Variants in NRG1 observed in about 807,000 individuals in gnomAD.
NRG1 encodes pro-neuregulin-1, membrane-bound isoform.
A neutral mutation model predicts 63.8 loss-of-function variants in NRG1; 18 were observed. The ratio of observed to expected loss-of-function variants is 0.28; its 90% CI spans 0.19 to 0.42. The LOEUF (loss-of-function observed/expected upper bound fraction) is 0.42, where lower values mean the gene tolerates loss of function less well. NRG1 is among the 10% of genes least tolerant of loss of function. The probability of loss-of-function intolerance (pLI) is 1.00; values close to 1 mark genes in which losing one functional copy is unlikely to be tolerated. For synonymous variants in NRG1, 302 were observed against 301.3 expected, an observed-to-expected ratio of 1.00 and a Z score of -0.02; for missense variants, 762 against 814.7, an observed-to-expected ratio of 0.94 and a Z score of 0.79.
intron 1 of NRG1, among the ~76,000 whole-genome samples, chr8:32,078,516 A>G (rs1198207034): frequency 6.6e-6 from 1 of 152,200 alleles, no homozygotes; most frequent in Non-Finnish European, 1.5e-5. Flanking sequence ...ATCAGAATAA[A>G]TAACGCTGAG....
chr8:32,344,370 C>CTTTCTTTCTTTCTT (rs1804509596), intron 1 of NRG1, among the ~76,000 whole-genome samples: 2 of 46,196 alleles, frequency 4.3e-5, no homozygotes, highest in African/African-American at 1.4e-4. Context: ...TTCTTTCTTT[C>CTTTCTTTCTTTCTT]TTTCTTTCTT....
At chr8:32,101,681 G>A (rs1165691244) in intron 1 of NRG1, among the ~76,000 whole-genome samples, 1 of 152,092 alleles carries the variant, frequency 6.6e-6, no homozygotes, top group African/African-American at 2.4e-5. Flanking sequence ...GTTGAAGTAT[G>A]TCTAAAGAAA....
At chr8:31,725,730 A>G (rs1813364771) in intron 1 of NRG1, among the ~76,000 whole-genome samples, 1 of 152,172 alleles carries the variant, frequency 6.6e-6, no homozygotes. Flanking sequence ...TCTTGGCCAA[A>G]TAGGTTTATT....
At chr8:31,836,896 C>T (rs566745411) in intron 1 of NRG1, among the ~76,000 whole-genome samples, 74 of 152,032 alleles carry the variant, frequency 4.9e-4, no homozygotes, top group Non-Finnish European at 9.0e-4. Context: ...TATATTCTCA[C>T]TGACAATCTG....
intron 1 of NRG1, among the ~76,000 whole-genome samples, chr8:32,383,844 A>G (rs926113384): frequency 6.6e-6 from 1 of 152,232 alleles, no homozygotes; most frequent in Non-Finnish European, 1.5e-5. Context: ...CTGGGTATGT[A>G]ATGAGAATGC....
Position 32,363,808 on chromosome 8 carries a change from A to G in NRG1, c.38-232020A>G, listed in dbSNP as rs138996278. On this transcript the variant is annotated intron_variant, in intron 1 of 10. Coordinates refer to the NRG1 transcript ENST00000519301. ...GATATCAAAAAATAAGAAATAACCT[A>G]GATCAGAAAACAGATAAATGATTGC... 2.6e-3 allele frequency among the ~76,000 whole-genome samples: 393 copies of G among 152,278 alleles called. 1 individual carries two copies. Among genetic ancestry groups the G allele is most frequent in the Middle Eastern group, 6.8e-3 (2 of 294 alleles).
chr8:32,503,550 A>C (rs1184121642), intron 1 of NRG1, among the ~76,000 whole-genome samples: 8 of 152,194 alleles, frequency 5.3e-5, no homozygotes. Context: ...GCCATCTATA[A>C]GTTTAATAGC....
At chr8:32,374,610 C>T (rs952418967) in intron 1 of NRG1, among the ~76,000 whole-genome samples, 3 of 152,148 alleles carry the variant, frequency 2.0e-5, no homozygotes, top group African/African-American at 7.2e-5. Context: ...AGTGATTCCC[C>T]TCTTCTGCCT....
At chr8:31,837,552 G>A (rs1825791162) in intron 1 of NRG1, among the ~76,000 whole-genome samples, 1 of 151,974 alleles carries the variant, frequency 6.6e-6, no homozygotes, top group South Asian at 2.1e-4. Context: ...GTTGGCAGTA[G>A]TCACCTTACT....
intron 1 of NRG1, among the ~76,000 whole-genome samples, chr8:31,818,957 G>C (rs893118085): frequency 3.3e-5 from 5 of 152,208 alleles, no homozygotes; most frequent in Non-Finnish European, 7.3e-5. Context: ...GGGAGGCTGA[G>C]GCGAGAGAAT....
intron 1 of NRG1, among the ~76,000 whole-genome samples, chr8:32,501,757 T>C (rs1465279210): frequency 3.3e-5 from 5 of 152,226 alleles, no homozygotes; most frequent in Admixed American, 1.3e-4. Context: ...ACATAATAAG[T>C]GCAACATAAA....
chr8:32,698,462 G>A (rs774451070), intron 5 of NRG1, among the ~76,000 whole-genome samples: 2 of 152,206 alleles, frequency 1.3e-5, no homozygotes, highest in Non-Finnish European at 2.9e-5. Flanking sequence ...CCACATTTCA[G>A]CGAGGGCGTT....
At chr8:31,792,542 C>T (rs1271321782) in intron 1 of NRG1, among the ~76,000 whole-genome samples, 2 of 152,194 alleles carry the variant, frequency 1.3e-5, no homozygotes, top group Non-Finnish European at 2.9e-5. Flanking sequence ...ACTGACTACT[C>T]AGATTTTAAA....
chr8:31,885,048 T>G (rs1188166629), intron 1 of NRG1, among the ~76,000 whole-genome samples: 1 of 152,126 alleles, frequency 6.6e-6, no homozygotes, highest in Non-Finnish European at 1.5e-5. Context: ...AAGCAACGAA[T>G]AAGAAGAAAT....
intron 1 of NRG1, among the ~76,000 whole-genome samples, chr8:32,467,528 T>C (rs1563503937): frequency 6.6e-6 from 1 of 152,244 alleles, no homozygotes; most frequent in Non-Finnish European, 1.5e-5. Flanking sequence ...CTTTCCATGC[T>C]TAAGCAATTT....
At chr8:31,782,329 C>CA (rs1819769336) in intron 1 of NRG1, among the ~76,000 whole-genome samples, 1 of 152,122 alleles carries the variant, frequency 6.6e-6, no homozygotes, top group Non-Finnish European at 1.5e-5. Context: ...CCATGTTATT[C>CA]ATGAGGCTTC....
intron 1 of NRG1, among the ~76,000 whole-genome samples, chr8:31,734,671 A>G (rs1814472220): frequency 6.6e-6 from 1 of 152,120 alleles, no homozygotes; most frequent in Admixed American, 6.5e-5. Context: ...TAAACATTAT[A>G]TTTTCCCCCA....
intron 1 of NRG1, among the ~76,000 whole-genome samples, chr8:31,961,556 A>G (rs1805454370): frequency 6.6e-6 from 1 of 152,222 alleles, no homozygotes; most frequent in African/African-American, 2.4e-5. Flanking sequence ...TGTGTAAACT[A>G]TAAGTAGACA....
At chr8:32,750,380 G>C (rs1048106680) in intron 7 of NRG1, among the ~76,000 whole-genome samples, 10 of 152,058 alleles carry the variant, frequency 6.6e-5, no homozygotes, top group Non-Finnish European at 1.5e-5. Context: ...TACATAGTTG[G>C]GATTGAAGAC....
Sources: allele counts gnomAD v4.1 joint callset (sites outside exome capture counted in the v4.1 genomes callset), GRCh38; gene constraint gnomAD v4.1.1; transcripts MANE v1.5; gene names NCBI Gene and HGNC (gene_info 2026-07-23, HGNC 2026-07-21).